The following LPP variants were observed in gnomAD, a reference collection of about 807,000 sequenced individuals.
LPP encodes the protein lipoma-preferred partner.
A neutral mutation model predicts 60.4 loss-of-function variants in LPP; 38 were observed. The observed-to-expected ratio is 0.63, with a 90% CI of 0.49 to 0.83. LPP has a LOEUF of 0.83. LPP is among the 40% of genes least tolerant of loss of function. The probability of loss-of-function intolerance (pLI) is 0.00; values close to 1 mark genes in which losing one functional copy is unlikely to be tolerated. For synonymous variants in LPP, 328 were observed against 290.8 expected, an observed-to-expected ratio of 1.13 and a Z score of -1.30; for missense variants, 902 against 783.6, an observed-to-expected ratio of 1.15 and a Z score of -1.80.
chr3:188,282,821 T>C lies in LPP; in HGVS notation c.-67+57294T>C, dbSNP rs76882252. Among the ~76,000 whole-genome samples, 96 of 152,270 alleles carry C rather than the reference T, an allele frequency of 6.3e-4. 2 individuals are homozygous for C. The East Asian group carries it at 0.017, about 26-fold the overall frequency. On this transcript the variant is annotated intron_variant, in intron 2 of 11. Transcript: ENST00000617246. Reference sequence around the variant, plus strand: ...TCCTCCTCCATTTCCCATCACACAGTTTGTACTTTCAGAGATACTTTCATA... The same window carrying C: ...TCCTCCTCCATTTCCCATCACACAGCTTGTACTTTCAGAGATACTTTCATA...
intron 8 of LPP, among the ~76,000 whole-genome samples, chr3:188,714,885 C>T (rs1418556063): frequency 1.3e-5 from 2 of 152,132 alleles, no homozygotes; most frequent in South Asian, 2.1e-4. Context: ...AAACACTACC[C>T]TGTAGAGGAA....
chr3:188,302,219 A>G (rs1750123939), intron 2 of LPP, among the ~76,000 whole-genome samples: 1 of 152,142 alleles, frequency 6.6e-6, no homozygotes, highest in East Asian at 1.9e-4. Context: ...TATTATCCCA[A>G]TTTATAACTA....
intron 1 of LPP, among the ~76,000 whole-genome samples, chr3:188,156,670 C>T (rs1716539548): frequency 6.6e-6 from 1 of 152,080 alleles, no homozygotes; most frequent in African/African-American, 2.4e-5. Flanking sequence ...CCCGTCTCTA[C>T]TAAAAATACA....
intron 2 of LPP, among the ~76,000 whole-genome samples, chr3:188,328,040 T>G (rs1758928778): frequency 6.6e-6 from 1 of 152,192 alleles, no homozygotes; most frequent in East Asian, 1.9e-4. Context: ...TTGATTGATG[T>G]TTATGAAGAA....
chr3:188,245,505 C>T (rs1490440080), intron 2 of LPP, among the ~76,000 whole-genome samples: 2 of 152,142 alleles, frequency 1.3e-5, no homozygotes, highest in Non-Finnish European at 2.9e-5. Flanking sequence ...TGTTTGCTGA[C>T]CTAAACTTCA....
chr3:188,438,538 GC>G (rs1347143440), intron 4 of LPP, among the ~76,000 whole-genome samples: 7 of 152,034 alleles, frequency 4.6e-5, no homozygotes, highest in African/African-American at 1.7e-4. Context: ...AGGCAACCTG[GC>G]CCCAGAGCTT....
intron 4 of LPP, among the ~76,000 whole-genome samples, chr3:188,475,709 T>C (rs1026115967): frequency 3.9e-5 from 6 of 152,218 alleles, no homozygotes; most frequent in African/African-American, 7.2e-5. Context: ...GAGACCATCC[T>C]GGCTAAAACA....
At chr3:188,454,903 T>C (rs903689427) in intron 4 of LPP, among the ~76,000 whole-genome samples, 1 of 152,188 alleles carries the variant, frequency 6.6e-6, no homozygotes, top group Non-Finnish European at 1.5e-5. Context: ...CACAAAGCCA[T>C]GACTAGAATA....
At chr3:188,636,640 G>A (rs1848849606) in intron 7 of LPP, among the ~76,000 whole-genome samples, 1 of 152,266 alleles carries the variant, frequency 6.6e-6, no homozygotes, top group East Asian at 1.9e-4. Flanking sequence ...AGTAACCTCT[G>A]CAGACTTAAA....
chr3:188,623,056 T>C (rs1452093846), intron 7 of LPP, among the ~76,000 whole-genome samples: 8 of 121,378 alleles, frequency 6.6e-5, no homozygotes, highest in African/African-American at 2.4e-4. Flanking sequence ...AAGAGAGAGC[T>C]AACATCTTCA....
rs1238138498 is a variant in LPP at position 188,222,197 on chromosome 3, T to A, written c.-189-3208T>A. Among the ~76,000 whole-genome samples, 8 of 152,356 alleles carry A rather than the reference T, an allele frequency of 5.3e-5. No homozygotes were observed. In the South Asian group the frequency reaches 1.7e-3, roughly 32 times the overall value. On this transcript the variant is annotated intron_variant, in intron 1 of 11. Coordinates refer to ENST00000617246, the MANE Select transcript of LPP (RefSeq NM_001375462.1). The stretch of plus-strand genomic sequence containing the variant: ...TTGCTTTTAAAGCAAAGTACTTAGA[T>A]ATATAAATTTTTATGAATTTTTTTT...
In LPP at chr3:188,609,338, C is replaced by T. The variant is rs1843163803; in HGVS notation, c.607C>T (p.Pro203Ser). 2 of 1,613,992 alleles carry T rather than the reference C, an allele frequency of 1.2e-6. No homozygotes were observed. Among genetic ancestry groups the T allele is most frequent in the Admixed American group, 1.7e-5 (1 of 59,994 alleles). Residue 203 changes from proline to serine, a missense_variant, in exon 7 of 12, where the codon CCT (proline) becomes TCT (serine). Physicochemically the swap from Pro to Ser is moderately conservative, Grantham distance 74. Transcript: ENST00000617246. The surrounding 1 kb of genome is among the most constrained non-coding windows in gnomAD (Gnocchi z 6.9). ...VAPIGTLKPQPQPVPASYTTA... is the reference protein window; with the variant it reads ...VAPIGTLKPQSQPVPASYTTA... ...TCCAATCGGAACACTCAAACCCCAG[C>T]CTCAGCCAGTCCCAGCCTCCTACAC...
chr3:188,865,537 A>G (rs796321752), intron 9 of LPP, among the ~76,000 whole-genome samples: 2 of 152,236 alleles, frequency 1.3e-5, no homozygotes, highest in South Asian at 2.1e-4. Context: ...TAGTGATCGC[A>G]CTATGGTCTA....
At chr3:188,562,154 A>G (rs1225235326) in intron 6 of LPP, 1 of 151,922 alleles carries the variant, frequency 6.6e-6, no homozygotes, top group Non-Finnish European at 1.5e-5. Flanking sequence ...TGCTCTTTTT[A>G]CCTCAGCCAG....
intron 2 of LPP, among the ~76,000 whole-genome samples, chr3:188,272,565 T>A (rs1225629939): frequency 6.6e-6 from 1 of 152,118 alleles, no homozygotes; most frequent in Non-Finnish European, 1.5e-5. Flanking sequence ...ACTGCAGAGG[T>A]ATGTGTCTGT....
intron 7 of LPP, among the ~76,000 whole-genome samples, chr3:188,630,688 G>A (rs185679231): frequency 6.6e-6 from 1 of 152,124 alleles, no homozygotes; most frequent in Non-Finnish European, 1.5e-5. Context: ...GCCATTAAAA[G>A]TAATGGCAGA....
rs190388371 is a variant in LPP at position 188,460,715 on chromosome 3, A to C, written c.194-23877A>C. Among the ~76,000 whole-genome samples, 69 of 152,336 alleles carry C rather than the reference A, an allele frequency of 4.5e-4. 2 individuals carry two copies. The highest frequency in any genetic ancestry group is 3.5e-4 in the Non-Finnish European group (24 of 68,022). On this transcript the variant is annotated intron_variant, in intron 4 of 11. Transcript: ENST00000617246. Reference sequence around the variant, plus strand: ...CATGGCAAAGTGTGGAAAACAAGGAACATAGTTAACATGATCAAGATATCT... The same window carrying C: ...CATGGCAAAGTGTGGAAAACAAGGACCATAGTTAACATGATCAAGATATCT...
chr3:188,301,034 T>C (rs951705663), intron 2 of LPP, among the ~76,000 whole-genome samples: 1 of 152,192 alleles, frequency 6.6e-6, no homozygotes, highest in Non-Finnish European at 1.5e-5. Context: ...ATCTTCTACA[T>C]TTGCCCTAGT....
intron 1 of LPP, among the ~76,000 whole-genome samples, chr3:188,156,693 G>T (rs954758158): frequency 1.3e-5 from 2 of 152,076 alleles, no homozygotes; most frequent in East Asian, 3.9e-4. Context: ...AATTAGCCGG[G>T]TGTGGTGGCA....
Sources: allele counts gnomAD v4.1 joint callset (sites outside exome capture counted in the v4.1 genomes callset), GRCh38; gene constraint gnomAD v4.1.1; non-coding constraint Gnocchi (gnomAD v3.1); transcripts MANE v1.5; gene names NCBI Gene and HGNC (gene_info 2026-07-23, HGNC 2026-07-21).